TOX3: variants seen among roughly 807,000 people sequenced by gnomAD.
TOX3 encodes CAG trinucleotide repeat-containing gene F9 protein.
TOX3 carries 22 observed loss-of-function variants against 64.3 expected under a neutral mutation model. The observed-to-expected ratio is 0.34, with a 90% CI of 0.24 to 0.49. The LOEUF is 0.49. TOX3 is among the 20% of genes least tolerant of loss of function. The pLI, the probability that TOX3 is intolerant of heterozygous loss-of-function variation, is 0.99. For synonymous variants in TOX3, 291 were observed against 273.6 expected (o/e 1.06, Z -0.63); for missense variants, 661 against 714.4 (o/e 0.93, Z 0.85).
intron 1 of TOX3, chr16:52,519,411 G>C (rs1962539371): frequency 6.4e-7 from 1 of 1,551,300 alleles, no homozygotes; most frequent in African/African-American, 1.4e-5. Context: ...CTTACTTTCA[G>C]ATAGGTAGTT....
intron 1 of TOX3, among the ~76,000 whole-genome samples, chr16:52,534,364 G>T (rs1962907810): frequency 6.6e-6 from 1 of 152,168 alleles, no homozygotes; most frequent in African/African-American, 2.4e-5. Context: ...TTGGCTAGGT[G>T]CAGTGGCTCA....
At chr16:52,539,860 T>C (rs1963036696) in intron 1 of TOX3, among the ~76,000 whole-genome samples, 1 of 152,176 alleles carries the variant, frequency 6.6e-6, no homozygotes, top group East Asian at 1.9e-4. Context: ...TCGTTTCTGC[T>C]TCCTCTTTCT....
chr16:52,464,109 G>A lies in TOX3; in HGVS notation c.233C>T (p.Ala78Val), dbSNP rs2151755894. 1 of 1,597,776 alleles carries A rather than the reference G, an allele frequency of 6.3e-7. No homozygotes were observed. The highest frequency in any genetic ancestry group is 2.3e-5 in the East Asian group (1 of 43,704). Residue 78 changes from alanine to valine, a missense_variant, in exon 3 of 7, where the codon GCC becomes GTC. Physicochemically the swap from Ala to Val is moderately conservative, Grantham distance 64 (BLOSUM62 0). Around this residue, in one of 3 missense-constraint regions of TOX3, gnomAD observed 259 missense variants for 261.2 expected, o/e 0.99. Transcript: ENST00000219746. ...PITPPPESDP[A>V]LGMPDVLLPF... ...TAGCAGTACATCCGGCATGCCTAGG[G>A]CAGGGTCTGACTCTGGAGGAGGCGT...
In TOX3 at chr16:52,544,173, A is replaced by G. The variant is rs1596874921; in HGVS notation, c.87+2464T>C. On this transcript the variant is annotated intron_variant, in intron 1 of 6. Coordinates refer to ENST00000219746, the MANE Select transcript of TOX3 (RefSeq NM_001080430.4). ...AATGTGAGTATTTTCAAATAAAATA[A>G]ATGCATGTCTTTATATGCTAGTTTT... 3.3e-5 allele frequency among the ~76,000 whole-genome samples: 5 copies of G among 152,196 alleles called. No homozygotes were observed. In the South Asian group the frequency reaches 1.0e-3, roughly 32 times the overall value.
chr16:52,519,098 G>C (rs868568297), intron 1 of TOX3, among the ~76,000 whole-genome samples: 28 of 152,304 alleles, frequency 1.8e-4, no homozygotes, highest in African/African-American at 6.7e-4. Context: ...AAAGGGAAAT[G>C]GTATCATGCG....
chr16:52,439,123 T>A lies in TOX3; in HGVS notation c.*102A>T. ...AGAGGACCGTTTGATCTGTTACACA[T>A]TTCTGCATAACCAACACCAACTTAC... On this transcript the variant is annotated 3_prime_UTR_variant, in exon 7 of 7. Transcript: ENST00000219746. 6.5e-7 allele frequency: 1 copy of A among 1,530,454 alleles called. No homozygotes were observed. Among genetic ancestry groups the A allele is most frequent in the South Asian group, 1.2e-5 (1 of 82,700 alleles). The allele number at this position is 1,530,454 out of a possible 1,614,324, so 94.8% of individuals were successfully genotyped here. A position where few individuals can be genotyped will look rare whatever the true frequency, so the allele number is the denominator to read the frequency against.
chr16:52,456,457 T>C (rs1333296257), intron 3 of TOX3, among the ~76,000 whole-genome samples: 1 of 152,226 alleles, frequency 6.6e-6, no homozygotes, highest in Non-Finnish European at 1.5e-5. Flanking sequence ...TTGGCCTATA[T>C]GATTCATGCC....
intron 1 of TOX3, among the ~76,000 whole-genome samples, chr16:52,519,925 C>T (rs1202916206): frequency 6.7e-6 from 1 of 149,940 alleles, no homozygotes; most frequent in East Asian, 2.0e-4. Context: ...GAGCACTGGT[C>T]ACACCACTGC....
intron 1 of TOX3, among the ~76,000 whole-genome samples, chr16:52,506,391 G>A (rs1287636065): frequency 6.6e-6 from 1 of 152,134 alleles, no homozygotes; most frequent in Non-Finnish European, 1.5e-5. Context: ...TCTCTCAAAG[G>A]TGAGAAATCA....
At chr16:52,462,496 G>GA (rs1437518853) in intron 3 of TOX3, among the ~76,000 whole-genome samples, 1 of 152,002 alleles carries the variant, frequency 6.6e-6, no homozygotes, top group Non-Finnish European at 1.5e-5. Context: ...TTTAAAGGCA[G>GA]ATTCTTATAT....
intron 1 of TOX3, among the ~76,000 whole-genome samples, chr16:52,526,274 A>T (rs1470798564): frequency 1.3e-5 from 2 of 152,224 alleles, no homozygotes; most frequent in Middle Eastern, 3.2e-3. Flanking sequence ...AGAACAGAAT[A>T]GCCAAGGCAG....
Position 52,439,460 on chromosome 16 carries a change from T to C in TOX3, c.1496A>G (p.Gln499Arg). 1 of 1,461,612 alleles carries C rather than the reference T, an allele frequency of 6.8e-7. No individual in the cohort carries two copies. The allele number at this position is 1,461,612 out of a possible 1,614,324, so 90.5% of individuals were successfully genotyped here. ...CTGCAGCTGCTGTTGATTAATTTGC[T>C]GCTGGAGATGCTGCTGCTGCTGCTG... ...HLQQQQQHLQ[Q>R]QINQQQLQQQ... Residue 499 changes from glutamine (Q) to arginine (R), a missense_variant, in exon 7 of 7, where the codon CAG (glutamine) becomes CGG (arginine). Physicochemically the swap from Gln to Arg is conservative, Grantham distance 43. Coordinates refer to ENST00000219746, the MANE Select transcript of TOX3 (RefSeq NM_001080430.4).
chr16:52,489,105 T>C (rs547228997), intron 1 of TOX3, among the ~76,000 whole-genome samples: 2 of 152,286 alleles, frequency 1.3e-5, no homozygotes, highest in Admixed American at 1.3e-4. Context: ...GCAAAACATA[T>C]TCTTCCATCT....
intron 2 of TOX3, among the ~76,000 whole-genome samples, chr16:52,466,404 T>C (rs1038866614): frequency 1.3e-5 from 2 of 152,180 alleles, no homozygotes; most frequent in African/African-American, 4.8e-5. Context: ...CAATTTAGAC[T>C]TTACAGCATG....
chr16:52,471,581 A>G (rs1961046594), intron 1 of TOX3, among the ~76,000 whole-genome samples: 1 of 152,206 alleles, frequency 6.6e-6, no homozygotes, highest in Non-Finnish European at 1.5e-5. Flanking sequence ...TCTCTCCCAG[A>G]ACTAACAATG....
Position 52,463,804 on chromosome 16 carries a change from C to T in TOX3, c.408+130G>A, listed in dbSNP as rs1960768799. 15 of 1,140,674 alleles carry T rather than the reference C, an allele frequency of 1.3e-5. 1 individual carries two copies. The South Asian group carries it at 3.5e-4, about 27-fold the overall frequency. The allele number at this position is 1,140,674 out of a possible 1,614,324, so 70.7% of individuals were successfully genotyped here. ...ATACCAGGCAGCGATCCAGTACCTG[C>T]ATGTAAATAGCACTAGAATCAATCC... On this transcript the variant is annotated intron_variant, in intron 3 of 6. Transcript: ENST00000219746.
At position 52,464,049 on chromosome 16, in the gene TOX3, T is replaced by C. The variant is rs768433075; in HGVS notation, c.293A>G (p.Gln98Arg). The C allele has an allele frequency of 5.0e-6, 8 of 1,603,244 alleles. No homozygotes were observed. In the East Asian group the frequency reaches 1.6e-4, roughly 32 times the overall value. Residue 98 changes from glutamine (Q) to arginine (R), a missense_variant, in exon 3 of 7, where the codon CAG becomes CGG. Gln to Arg is a conservative substitution (Grantham distance 43). This residue lies in a region of TOX3 where 259 missense variants were observed against 261.2 expected (regional missense o/e 0.99). Coordinates refer to ENST00000219746, the MANE Select transcript of TOX3 (RefSeq NM_001080430.4). ...AAACTGGGGTGTGAATTCACTTCCC[T>C]GGGAAGGCAATGGATCGCTGAGGGC... ...FQALSDPLPSQGSEFTPQFPP... is the reference protein window; with the variant it reads ...FQALSDPLPSRGSEFTPQFPP...
intron 1 of TOX3, among the ~76,000 whole-genome samples, chr16:52,496,394 T>C (rs546159427): frequency 6.6e-6 from 1 of 152,342 alleles, no homozygotes; most frequent in South Asian, 2.1e-4. Flanking sequence ...ATGAAAGATG[T>C]CTTTGTATTG....
At chr16:52,473,251 C>T (rs911217642) in intron 1 of TOX3, among the ~76,000 whole-genome samples, 1 of 151,990 alleles carries the variant, frequency 6.6e-6, no homozygotes, top group African/African-American at 2.4e-5. Flanking sequence ...GTCCACACAA[C>T]ATCATTTTCA....
Sources: allele counts gnomAD v4.1 joint callset (sites outside exome capture counted in the v4.1 genomes callset), GRCh38; gene constraint gnomAD v4.1.1; regional missense constraint gnomAD v4.1.1; transcripts MANE v1.5; gene names NCBI Gene and HGNC (gene_info 2026-07-23, HGNC 2026-07-21).